The following SGCZ variants were observed in gnomAD, a reference collection of about 807,000 sequenced individuals.
SGCZ encodes the protein zeta-sarcoglycan.
SGCZ carries 40 observed loss-of-function variants against 41.3 expected under a neutral mutation model. The observed-to-expected ratio is 0.97, with a 90% CI of 0.75 to 1.26. SGCZ has a LOEUF of 1.26. SGCZ is among the 50% of genes most tolerant of loss of function. The pLI is 0.00. For missense variants in SGCZ, 552 were observed against 369.8 expected, an observed-to-expected ratio of 1.49 and a Z score of -4.04; for synonymous variants, 206 against 137.5, an observed-to-expected ratio of 1.50 and a Z score of -3.49.
intron 1 of SGCZ, among the ~76,000 whole-genome samples, chr8:14,627,625 T>C (rs1470398109): frequency 6.6e-6 from 1 of 151,928 alleles, no homozygotes; most frequent in Non-Finnish European, 1.5e-5. Flanking sequence ...AATTTTAGAT[T>C]TCAGCACTTT....
chr8:14,507,414 C>G (rs10216809), intron 2 of SGCZ, among the ~76,000 whole-genome samples: 2 of 144,972 alleles, frequency 1.4e-5, no homozygotes, highest in Non-Finnish European at 3.1e-5. Flanking sequence ...TGAAGTCTAC[C>G]TGTAATTTAT....
intron 1 of SGCZ, among the ~76,000 whole-genome samples, chr8:14,935,778 T>C (rs1036207345): frequency 2.0e-5 from 3 of 151,690 alleles, no homozygotes; most frequent in Admixed American, 2.0e-4. Context: ...AATTTCCAAT[T>C]ATAAAACAAA....
At chr8:14,373,350 A>C (rs116522028) in intron 2 of SGCZ, among the ~76,000 whole-genome samples, 1 of 152,214 alleles carries the variant, frequency 6.6e-6, no homozygotes, top group Admixed American at 6.5e-5. Flanking sequence ...TAAGTGGTTG[A>C]GACCAACTTG....
intron 2 of SGCZ, among the ~76,000 whole-genome samples, chr8:14,381,426 C>A (rs73664336): frequency 6.6e-6 from 1 of 152,106 alleles, no homozygotes; most frequent in East Asian, 1.9e-4. Flanking sequence ...CCACTTCCTG[C>A]CCCCTCATTC....
At chr8:14,543,157 T>C (rs1286648225) in intron 2 of SGCZ, among the ~76,000 whole-genome samples, 2 of 152,012 alleles carry the variant, frequency 1.3e-5, no homozygotes, top group African/African-American at 4.8e-5. Context: ...TCACAATTGT[T>C]CTAAGTATGA....
At chr8:14,286,550 T>A (rs6980964) in intron 3 of SGCZ, among the ~76,000 whole-genome samples, 1 of 151,992 alleles carries the variant, frequency 6.6e-6, no homozygotes, top group East Asian at 1.9e-4. Flanking sequence ...GTAGTTTATA[T>A]CTAACAATAT....
intron 1 of SGCZ, among the ~76,000 whole-genome samples, chr8:14,607,117 A>C (rs1805776475): frequency 6.6e-6 from 1 of 152,140 alleles, no homozygotes; most frequent in Non-Finnish European, 1.5e-5. Flanking sequence ...TTCATCTGTA[A>C]AATGGGGATA....
At chr8:14,594,817 T>C (rs1805355767) in intron 1 of SGCZ, among the ~76,000 whole-genome samples, 2 of 151,836 alleles carry the variant, frequency 1.3e-5, no homozygotes, top group Admixed American at 1.3e-4. Flanking sequence ...CTATGCAATG[T>C]TATGACGTAA....
chr8:14,663,546 T>A (rs1376074633), intron 1 of SGCZ, among the ~76,000 whole-genome samples: 1 of 152,118 alleles, frequency 6.6e-6, no homozygotes, highest in Non-Finnish European at 1.5e-5. Context: ...TAAATGAAAA[T>A]AATAAGGGTA....
intron 1 of SGCZ, among the ~76,000 whole-genome samples, chr8:14,894,798 A>G (rs944322930): frequency 7.9e-5 from 12 of 152,258 alleles, no homozygotes; most frequent in African/African-American, 2.2e-4. Flanking sequence ...ATATAAAATA[A>G]CACCCTCCCT....
chr8:14,357,410 C>T (rs571284690), intron 2 of SGCZ, among the ~76,000 whole-genome samples: 1 of 152,292 alleles, frequency 6.6e-6, no homozygotes, highest in East Asian at 1.9e-4. Flanking sequence ...CATAAAAAAA[C>T]TGTGTAGCAA....
chr8:15,107,289 C>A (rs1176174291), intron 1 of SGCZ, among the ~76,000 whole-genome samples: 2 of 152,112 alleles, frequency 1.3e-5, no homozygotes, highest in Non-Finnish European at 2.9e-5. Flanking sequence ...TAGATATGGT[C>A]TGTATTCACC....
intron 1 of SGCZ, among the ~76,000 whole-genome samples, chr8:14,778,143 G>A (rs1800471284): frequency 6.6e-6 from 1 of 152,016 alleles, no homozygotes; most frequent in Non-Finnish European, 1.5e-5. Flanking sequence ...GTCCCGGCTA[G>A]TCTCAAACTA....
chr8:14,583,645 C>G (rs958157747), intron 1 of SGCZ, among the ~76,000 whole-genome samples: 2 of 152,050 alleles, frequency 1.3e-5, no homozygotes, highest in Admixed American at 1.3e-4. Flanking sequence ...TTAGGACTAA[C>G]GTTTAAGTCT....
intron 1 of SGCZ, among the ~76,000 whole-genome samples, chr8:14,875,857 TG>T (rs1804339684): frequency 6.6e-6 from 1 of 152,112 alleles, no homozygotes; most frequent in Non-Finnish European, 1.5e-5. Flanking sequence ...GGTTGAAAAA[TG>T]GGGATAACAT....
chr8:14,405,522 G>T (rs1160917285), intron 2 of SGCZ, among the ~76,000 whole-genome samples: 1 of 152,072 alleles, frequency 6.6e-6, no homozygotes, highest in Non-Finnish European at 1.5e-5. Flanking sequence ...AAATATGGTA[G>T]GCAGACCAAT....
intron 1 of SGCZ, among the ~76,000 whole-genome samples, chr8:14,926,689 G>T (rs1185490343): frequency 2.0e-5 from 3 of 151,860 alleles, no homozygotes; most frequent in African/African-American, 7.3e-5. Context: ...TTGCCAGACT[G>T]GAGTGCAGTG....
chr8:14,482,967 A>G (rs1281613663), intron 2 of SGCZ, among the ~76,000 whole-genome samples: 5 of 152,062 alleles, frequency 3.3e-5, no homozygotes, highest in Non-Finnish European at 4.4e-5. Flanking sequence ...ACGTGAGCCA[A>G]TTCTTACACC....
intron 3 of SGCZ, among the ~76,000 whole-genome samples, chr8:14,245,012 C>T (rs189749247): frequency 6.7e-4 from 102 of 152,242 alleles, no homozygotes; most frequent in African/African-American, 2.4e-3. Context: ...ATGGGGTTTT[C>T]TCAGTATACA....
Sources: allele counts gnomAD v4.1 joint callset (sites outside exome capture counted in the v4.1 genomes callset), GRCh38; gene constraint gnomAD v4.1.1; transcripts MANE v1.5; gene names NCBI Gene and HGNC (gene_info 2026-07-23, HGNC 2026-07-21).